Variants in MAN1C1 observed in about 807,000 individuals in gnomAD.
MAN1C1 encodes mannosyl-oligosaccharide 1,2-alpha-mannosidase IC.
MAN1C1 carries 49 observed loss-of-function variants against 71.5 expected under a neutral mutation model. That is an observed-to-expected ratio of 0.69 (90% CI 0.54 to 0.87). The LOEUF (loss-of-function observed/expected upper bound fraction) is 0.87, where lower values mean the gene tolerates loss of function less well. Ranked by LOEUF, MAN1C1 falls within the 40% of genes least tolerant of loss-of-function variation. The pLI, the probability that MAN1C1 is intolerant of heterozygous loss-of-function variation, is 0.00. For missense variants in MAN1C1, 743 were observed against 835.0 expected (o/e 0.89, Z 1.36); for synonymous variants, 352 against 343.7 (o/e 1.02, Z -0.27).
At chr1:25,659,749 A>G (rs1249400586) in intron 1 of MAN1C1, among the ~76,000 whole-genome samples, 1 of 152,342 alleles carries the variant, frequency 6.6e-6, no homozygotes, top group East Asian at 1.9e-4. Flanking sequence ...TTAAATTTTC[A>G]GAAATGTTGT....
chr1:25,782,435 T>G lies in MAN1C1; in HGVS notation c.1651-150T>G. The G allele has an allele frequency of 1.7e-6, 1 of 604,826 alleles. No individual in the cohort carries two copies. Among genetic ancestry groups the G allele is most frequent in the South Asian group, 2.0e-5 (1 of 50,416 alleles). 37.5% of individuals were successfully genotyped at this position (604,826 alleles called of 1,614,324 possible). A position where few individuals can be genotyped will look rare whatever the true frequency, so the allele number is the denominator to read the frequency against. ...ACCCCGAAAGAATAATTTGACCTTC[T>G]GTTCCCACAAATGCCAGGAGTCCCC... On this transcript the variant is annotated intron_variant, in intron 10 of 11. Coordinates refer to ENST00000374332, the MANE Select transcript of MAN1C1 (RefSeq NM_020379.4). The surrounding 1 kb of genome is among the most constrained non-coding windows in gnomAD (Gnocchi z 4.4).
chr1:25,630,790 A>G (rs965061694), intron 1 of MAN1C1, among the ~76,000 whole-genome samples: 2 of 152,164 alleles, frequency 1.3e-5, no homozygotes, highest in African/African-American at 2.4e-5. Flanking sequence ...TTTATTTATC[A>G]AATCTAAGAG....
intron 2 of MAN1C1, among the ~76,000 whole-genome samples, chr1:25,691,114 C>G (rs527971645): frequency 6.6e-6 from 1 of 152,064 alleles, no homozygotes; most frequent in Non-Finnish European, 1.5e-5. Context: ...GTCAGGAGTT[C>G]GAGACAAGCC....
At position 25,771,742 on chromosome 1, in the gene MAN1C1, G is replaced by A; in HGVS notation, c.1227G>A (p.Glu409=). 1 of 1,614,068 alleles carries A rather than the reference G, an allele frequency of 6.2e-7. No homozygotes were observed. ...SWLMSGKTDM[E]AKNMYYEALE... is the part of the protein sequence containing the mutation. ...TGATGTCGGGCAAGACAGATATGGA[G>A]GCTAAAAATATGTACTACGAAGCCT... Residue 409 remains glutamate, a synonymous_variant, in exon 8 of 12, where the codon GAG becomes GAA. Coordinates refer to ENST00000374332, the MANE Select transcript of MAN1C1 (RefSeq NM_020379.4).
At chr1:25,766,314 G>A (rs1396191698) in intron 7 of MAN1C1, among the ~76,000 whole-genome samples, 1 of 152,050 alleles carries the variant, frequency 6.6e-6, no homozygotes, top group Non-Finnish European at 1.5e-5. Context: ...CTTGGTGCCC[G>A]GGGTCATCTC....
At chr1:25,777,784 C>T in intron 8 of MAN1C1, 1 of 251,468 alleles carries the variant, frequency 4.0e-6, no homozygotes, top group African/African-American at 2.2e-5. Flanking sequence ...TAAGATCAAA[C>T]AGAGGACATA....
intron 1 of MAN1C1, among the ~76,000 whole-genome samples, chr1:25,621,582 A>G (rs536589102): frequency 3.3e-5 from 5 of 152,000 alleles, no homozygotes; most frequent in Non-Finnish European, 5.9e-5. Context: ...GGTCCTACCC[A>G]TGATGCTTGG....
Position 25,783,875 on chromosome 1 carries a change from C to G in MAN1C1, c.*86C>G. 6.6e-7 allele frequency: 1 copy of G among 1,510,310 alleles called. No individual in the cohort carries two copies. Among genetic ancestry groups the G allele is most frequent in the East Asian group, 2.4e-5 (1 of 41,772 alleles). The allele number at this position is 1,510,310 out of a possible 1,614,324, so 93.6% of individuals were successfully genotyped here. On this transcript the variant is annotated 3_prime_UTR_variant, in exon 12 of 12. Transcript: ENST00000374332. ...AGACTGTTCTCAAAGGGATTGGGAA[C>G]GAAGGCCCCATCTCGGGCAGACCCC...
intron 2 of MAN1C1, among the ~76,000 whole-genome samples, chr1:25,719,832 G>A (rs190802074): frequency 5.9e-4 from 90 of 152,248 alleles, no homozygotes; most frequent in African/African-American, 2.1e-3. Context: ...CACCTAGGCT[G>A]GAATAGAGTG....
chr1:25,649,593 A>T (rs1205932794), intron 1 of MAN1C1, among the ~76,000 whole-genome samples: 1 of 152,112 alleles, frequency 6.6e-6, no homozygotes, highest in Admixed American at 6.5e-5. Context: ...GGACCCTTTG[A>T]CTGGGTCACT....
Position 25,631,111 on chromosome 1 carries a change from T to C in MAN1C1, c.540+12774T>C, listed in dbSNP as rs914718699. On this transcript the variant is annotated intron_variant, in intron 1 of 11. Transcript: ENST00000374332. This position sits in a 1 kb window ranked among gnomAD's most constrained non-coding sequence, Gnocchi z 4.2. The stretch of plus-strand genomic sequence containing the variant: ...TCCTGAGCAGCTGGGATTACAGGCA[T>C]GTACCACCACGCCTGGTTAATTTTT... Among the ~76,000 whole-genome samples the C allele has an allele frequency of 3.9e-5, 6 of 152,154 alleles. No homozygotes were observed. Among genetic ancestry groups the C allele is most frequent in the African/African-American group, 1.4e-4 (6 of 41,442 alleles).
chr1:25,766,583 C>T (rs2047429902), intron 7 of MAN1C1, among the ~76,000 whole-genome samples: 1 of 152,080 alleles, frequency 6.6e-6, no homozygotes, highest in Non-Finnish European at 1.5e-5. Flanking sequence ...TGGCTTCCCA[C>T]TCCTCCTGGA....
At chr1:25,636,879 G>A (rs1282052706) in intron 1 of MAN1C1, among the ~76,000 whole-genome samples, 1 of 152,214 alleles carries the variant, frequency 6.6e-6, no homozygotes, top group East Asian at 1.9e-4. Flanking sequence ...ACTCGGCCAG[G>A]CATGGTGGCT....
intron 1 of MAN1C1, among the ~76,000 whole-genome samples, chr1:25,626,621 G>A (rs1196937052): frequency 6.6e-6 from 1 of 152,056 alleles, no homozygotes; most frequent in Non-Finnish European, 1.5e-5. Context: ...GCCTCCCAAA[G>A]TGCTGGGATT....
intron 2 of MAN1C1, among the ~76,000 whole-genome samples, chr1:25,716,192 A>C (rs560087262): frequency 6.6e-6 from 1 of 152,200 alleles, no homozygotes; most frequent in Non-Finnish European, 1.5e-5. Flanking sequence ...TTTTATTCCC[A>C]TGGCCATGTG....
rs2047240120 is a variant in MAN1C1 at position 25,753,224 on chromosome 1, A to G, written c.835-260A>G. Among the ~76,000 whole-genome samples, 1 of 152,152 alleles carries G rather than the reference A, an allele frequency of 6.6e-6. No individual in the cohort carries two copies. Among genetic ancestry groups the G allele is most frequent in the Non-Finnish European group, 1.5e-5 (1 of 68,022 alleles). On this transcript the variant is annotated intron_variant, in intron 4 of 11. Coordinates refer to ENST00000374332, the MANE Select transcript of MAN1C1 (RefSeq NM_020379.4). This position sits in a 1 kb window ranked among gnomAD's most constrained non-coding sequence, Gnocchi z 4.9. ...ACACTGTGGTAGATGCTTTGCCACA[A>G]TTATCTAATTTTCATTTCTCCCAAC...
intron 2 of MAN1C1, among the ~76,000 whole-genome samples, chr1:25,742,526 A>T (rs983880210): frequency 6.6e-6 from 1 of 152,192 alleles, no homozygotes; most frequent in Non-Finnish European, 1.5e-5. Flanking sequence ...TTGCACCCCA[A>T]GGCCTCACTG....
intron 1 of MAN1C1, among the ~76,000 whole-genome samples, chr1:25,640,376 T>G (rs886089687): frequency 1.2e-4 from 18 of 152,214 alleles, no homozygotes; most frequent in African/African-American, 3.6e-4. Context: ...AATGCTGATT[T>G]CCTGGGAAGA....
intron 6 of MAN1C1, among the ~76,000 whole-genome samples, chr1:25,762,957 T>C (rs2047379847): frequency 6.6e-6 from 1 of 152,052 alleles, no homozygotes; most frequent in Non-Finnish European, 1.5e-5. Flanking sequence ...TACTGTCAAT[T>C]AACCCCACCT....
Sources: allele counts gnomAD v4.1 joint callset (sites outside exome capture counted in the v4.1 genomes callset), GRCh38; gene constraint gnomAD v4.1.1; non-coding constraint Gnocchi (gnomAD v3.1); transcripts MANE v1.5; gene names NCBI Gene and HGNC (gene_info 2026-07-23, HGNC 2026-07-21).